TMEM117: variants seen among roughly 807,000 people sequenced by gnomAD.
TMEM117 encodes transmembrane protein 117.
Under a neutral mutation model 52.4 loss-of-function variants are expected in TMEM117, and 27 were observed. The ratio of observed to expected loss-of-function variants is 0.51; its 90% CI spans 0.38 to 0.71. The LOEUF (loss-of-function observed/expected upper bound fraction) is 0.71. Ranked by LOEUF, TMEM117 falls within the 30% of genes least tolerant of loss-of-function variation. The probability of loss-of-function intolerance (pLI) is 0.00; values close to 1 mark genes in which losing one functional copy is unlikely to be tolerated. For missense variants in TMEM117, 556 were observed against 630.5 expected (o/e 0.88, Z 1.26); for synonymous variants, 215 against 206.3 (o/e 1.04, Z -0.36).
At chr12:44,344,077 TA>T (rs1432686087) in intron 6 of TMEM117, among the ~76,000 whole-genome samples, 1 of 152,136 alleles carries the variant, frequency 6.6e-6, no homozygotes, top group Non-Finnish European at 1.5e-5. Flanking sequence ...AAGCTGGTCT[TA>T]AATTGTTGAG....
In TMEM117 at chr12:44,378,745, A is replaced by G. The variant is rs538223214; in HGVS notation, c.898+2021A>G. ...GATGGCCAAGTCATCAGGGAACTTT[A>G]TAAATACACAGATTGTTGGGTTTCA... On this transcript the variant is annotated intron_variant, in intron 7 of 7. Transcript: ENST00000266534. Among the ~76,000 whole-genome samples, 7 of 152,304 alleles carry G rather than the reference A, an allele frequency of 4.6e-5. No individual in the cohort carries two copies. In the East Asian group the frequency reaches 7.7e-4, roughly 17 times the overall value.
Position 44,268,066 on chromosome 12 carries a change from A to C in TMEM117, c.609-31514A>C, listed in dbSNP as rs184847562. On this transcript the variant is annotated intron_variant, in intron 5 of 7. Transcript: ENST00000266534. ...GTAGTTCTATGTTTAATTTTTAATG[A>C]TTTTTATAAAGGTTATGGGTCTGTA... 3.9e-3 allele frequency among the ~76,000 whole-genome samples: 590 copies of C among 151,894 alleles called. 4 individuals are homozygous for C. Among genetic ancestry groups the C allele is most frequent in the Middle Eastern group, 6.8e-3 (2 of 294 alleles).
At chr12:43,899,981 T>C (rs1944277515) in intron 2 of TMEM117, among the ~76,000 whole-genome samples, 1 of 152,180 alleles carries the variant, frequency 6.6e-6, no homozygotes, top group African/African-American at 2.4e-5. Context: ...ATTCAGTGAG[T>C]GTTCACACCA....
intron 5 of TMEM117, among the ~76,000 whole-genome samples, chr12:44,219,300 TTTG>T (rs138860537): frequency 0.049 from 7,485 of 152,190 alleles, 611 homozygotes; most frequent in African/African-American, 0.17. Context: ...CCCTATATTC[TTTG>T]TTGTTGTTGT....
In TMEM117 at chr12:43,983,156, C is replaced by T. The variant is rs189860062; in HGVS notation, c.410+38814C>T. On this transcript the variant is annotated intron_variant, in intron 3 of 7. Coordinates refer to ENST00000266534, the MANE Select transcript of TMEM117 (RefSeq NM_032256.3). The stretch of plus-strand genomic sequence containing the variant: ...TCTGACATGCTTTAAGATGACCTTA[C>T]TCACACGTTTGGTGGTTCTGGCTGT... 2.7e-3 allele frequency among the ~76,000 whole-genome samples: 417 copies of T among 152,258 alleles called. 4 individuals carry two copies. The highest frequency in any genetic ancestry group is 9.4e-3 in the African/African-American group (392 of 41,554).
At chr12:44,284,623 G>A (rs1331248410) in intron 5 of TMEM117, among the ~76,000 whole-genome samples, 1 of 152,180 alleles carries the variant, frequency 6.6e-6, no homozygotes, top group Non-Finnish European at 1.5e-5. Context: ...TTGTAAAGAG[G>A]AATGTACCAT....
intron 3 of TMEM117, among the ~76,000 whole-genome samples, chr12:44,129,881 A>G (rs933520483): frequency 6.6e-6 from 1 of 152,190 alleles, no homozygotes; most frequent in Admixed American, 6.5e-5. Context: ...CACTCATTAC[A>G]ATACTCTTCA....
chr12:43,900,157 G>A (rs1944280211), intron 2 of TMEM117, among the ~76,000 whole-genome samples: 1 of 152,138 alleles, frequency 6.6e-6, no homozygotes, highest in Non-Finnish European at 1.5e-5. Flanking sequence ...GCTGGAGTTT[G>A]CTGCAGCATA....
intron 3 of TMEM117, among the ~76,000 whole-genome samples, chr12:44,138,182 A>G (rs1316238186): frequency 6.6e-6 from 1 of 152,154 alleles, no homozygotes; most frequent in Non-Finnish European, 1.5e-5. Flanking sequence ...TTTCTTTGCT[A>G]GAAATCCCCA....
chr12:44,268,719 T>C (rs1341725945), intron 5 of TMEM117, among the ~76,000 whole-genome samples: 1 of 152,136 alleles, frequency 6.6e-6, no homozygotes, highest in Non-Finnish European at 1.5e-5. Flanking sequence ...TGTATCTTTG[T>C]GGTTTAAATT....
At position 44,090,396 on chromosome 12, in the gene TMEM117, CT is replaced by C. The variant is rs201492790; in HGVS notation, c.411-53124del. Among the ~76,000 whole-genome samples, 13 of 143,920 alleles carry C rather than the reference CT, an allele frequency of 9.0e-5. No individual in the cohort carries two copies. In the South Asian group the frequency reaches 1.6e-3, roughly 17 times the overall value. 94.4% of individuals were successfully genotyped at this position (143,920 alleles called of 152,430 possible). ...CAGGGCCCCTTTTATTTTTATCTTA[CT>C]TTTTATTTATTTATTTATTTATTTA... On this transcript the variant is annotated intron_variant, in intron 3 of 7. Coordinates refer to ENST00000266534, the MANE Select transcript of TMEM117 (RefSeq NM_032256.3).
intron 3 of TMEM117, among the ~76,000 whole-genome samples, chr12:44,115,670 C>T (rs920382139): frequency 6.6e-6 from 1 of 152,078 alleles, no homozygotes; most frequent in Non-Finnish European, 1.5e-5. Flanking sequence ...TCAAGCCTGT[C>T]TGCATTCATT....
At chr12:44,307,499 C>T (rs545584103) in intron 6 of TMEM117, among the ~76,000 whole-genome samples, 8 of 152,202 alleles carry the variant, frequency 5.3e-5, no homozygotes, top group Non-Finnish European at 1.0e-4. Flanking sequence ...GTTATAGGGT[C>T]CCAAGTGGTG....
chr12:44,130,844 A>G (rs893453782), intron 3 of TMEM117, among the ~76,000 whole-genome samples: 2 of 152,010 alleles, frequency 1.3e-5, no homozygotes, highest in African/African-American at 4.8e-5. Flanking sequence ...TATTTGTTTA[A>G]TCTCTGAAGA....
intron 5 of TMEM117, among the ~76,000 whole-genome samples, chr12:44,280,360 GA>G (rs1950563000): frequency 6.6e-6 from 1 of 152,050 alleles, no homozygotes; most frequent in East Asian, 1.9e-4. Context: ...AGAAACTGTG[GA>G]AATATCTGCC....
intron 3 of TMEM117, among the ~76,000 whole-genome samples, chr12:44,097,328 C>T (rs1413954889): frequency 3.3e-5 from 5 of 152,034 alleles, no homozygotes; most frequent in African/African-American, 1.2e-4. Flanking sequence ...GGATCTAGAA[C>T]TAGAAATACC....
chr12:44,000,765 T>C (rs1187149937), intron 3 of TMEM117, among the ~76,000 whole-genome samples: 1 of 152,192 alleles, frequency 6.6e-6, no homozygotes, highest in Non-Finnish European at 1.5e-5. Flanking sequence ...GGCTTCTCTG[T>C]GACCTCTTCC....
At chr12:44,073,370 C>G (rs918150695) in intron 3 of TMEM117, 3 of 151,672 alleles carry the variant, frequency 2.0e-5, no homozygotes, top group Non-Finnish European at 4.4e-5. Flanking sequence ...TTACTTTGCC[C>G]CCACCCCCAA....
At chr12:44,019,363 G>A (rs12322164) in intron 3 of TMEM117, among the ~76,000 whole-genome samples, 50,744 of 151,834 alleles carry the variant, frequency 0.33, 13,553 homozygotes, top group African/African-American at 0.75. Flanking sequence ...TCACAGAAAC[G>A]CTCACTTACA....
Sources: allele counts gnomAD v4.1 joint callset (sites outside exome capture counted in the v4.1 genomes callset), GRCh38; gene constraint gnomAD v4.1.1; transcripts MANE v1.5; gene names NCBI Gene and HGNC (gene_info 2026-07-23, HGNC 2026-07-21).